ACSL1: variants seen among roughly 807,000 people sequenced by gnomAD.
ACSL1 encodes long-chain-fatty-acid--CoA ligase 1.
ACSL1 carries 41 observed loss-of-function variants against 98.4 expected under a neutral mutation model. The observed-to-expected ratio is 0.42, with a 90% CI of 0.32 to 0.54. The LOEUF (loss-of-function observed/expected upper bound fraction) is 0.54, where lower values mean the gene tolerates loss of function less well. Among genes scored for constraint, ACSL1 ranks in the 20% least tolerant of loss-of-function variants. The pLI is 0.13. For synonymous variants in ACSL1, 316 were observed against 322.7 expected (o/e 0.98, Z 0.22); for missense variants, 734 against 883.1 (o/e 0.83, Z 2.14).
At chr4:184,785,939 C>T (rs998525126) in intron 3 of ACSL1, among the ~76,000 whole-genome samples, 1 of 152,202 alleles carries the variant, frequency 6.6e-6, no homozygotes, top group Non-Finnish European at 1.5e-5. Flanking sequence ...GTTCCTCCCA[C>T]ATCCCAAAGC....
intron 2 of ACSL1, among the ~76,000 whole-genome samples, chr4:184,790,765 G>C (rs1768210052): frequency 6.6e-6 from 1 of 152,190 alleles, no homozygotes; most frequent in African/African-American, 2.4e-5. Context: ...AAATATGATT[G>C]TGTAGAATAT....
chr4:184,765,944 C>T lies in ACSL1; in HGVS notation c.1306G>A (p.Ala436Thr), dbSNP rs1481315900. The T allele has an allele frequency of 1.9e-6, 3 of 1,614,002 alleles. No individual in the cohort carries two copies. The highest frequency in any genetic ancestry group is 1.7e-6 in the Non-Finnish European group (2 of 1,179,978). ...GRVRLMVTGAAPVSATVLTFL... is the reference protein window; with the variant it reads ...GRVRLMVTGATPVSATVLTFL... ...GTCAGCACAGTGGCAGACACCGGGG[C>T]GGCTCCTGTCACCATCAGCCGGACT... The change falls in exon 14 of 21, where the codon GCC becomes ACC. Residue 436 changes from alanine (A) to threonine (T), a missense_variant. Ala to Thr is a moderately conservative substitution (Grantham distance 58, BLOSUM62 0). Transcript: ENST00000281455.
chr4:184,815,593 A>G (rs899371131), intron 1 of ACSL1, among the ~76,000 whole-genome samples: 8 of 152,078 alleles, frequency 5.3e-5, no homozygotes, highest in African/African-American at 1.9e-4. Flanking sequence ...AGTGACCTGG[A>G]TAAGAAGGTT....
At chr4:184,759,620 A>G (rs1762593340) in intron 18 of ACSL1, among the ~76,000 whole-genome samples, 1 of 152,208 alleles carries the variant, frequency 6.6e-6, no homozygotes, top group African/African-American at 2.4e-5. Flanking sequence ...AATGCAAATC[A>G]AAACCACAAT....
intron 1 of ACSL1, among the ~76,000 whole-genome samples, chr4:184,818,417 C>CA (rs1472988514): frequency 2.0e-5 from 3 of 152,202 alleles, no homozygotes; most frequent in Non-Finnish European, 4.4e-5. Context: ...CTCCGAAACA[C>CA]AAACTTCACT....
At chr4:184,780,099 C>T (rs765993930) in intron 5 of ACSL1, among the ~76,000 whole-genome samples, 4 of 152,034 alleles carry the variant, frequency 2.6e-5, no homozygotes, top group Non-Finnish European at 5.9e-5. Flanking sequence ...CTGGAACTCC[C>T]GACCTCTGGT....
intron 18 of ACSL1, 125 bp from the exon 19 acceptor site, chr4:184,758,045 A>C: frequency 1.2e-6 from 1 of 867,678 alleles, no homozygotes; most frequent in Non-Finnish European, 1.8e-6. Flanking sequence ...ATCTATTCAG[A>C]ACATACTACC....
rs931952138 is a variant in ACSL1 at position 184,825,521 on chromosome 4, G to A, written c.-33+395C>T. ...GGGCAGGCGGGGGCCGCGGACGAGGGCAACGTCAGCGGCCCAGCTGGGCCA... is the reference window on the plus strand; with the variant it reads ...GGGCAGGCGGGGGCCGCGGACGAGGACAACGTCAGCGGCCCAGCTGGGCCA... On this transcript the variant is annotated intron_variant, in intron 1 of 20. Coordinates refer to ENST00000281455, the MANE Select transcript of ACSL1 (RefSeq NM_001995.5). The surrounding 1 kb of genome is among the most constrained non-coding windows in gnomAD (Gnocchi z 4.7). Among the ~76,000 whole-genome samples the A allele has an allele frequency of 6.6e-6, 1 of 151,826 alleles. No individual in the cohort carries two copies. The highest frequency in any genetic ancestry group is 6.6e-5 in the Admixed American group (1 of 15,252).
In ACSL1 at chr4:184,766,881, C is replaced by T; in HGVS notation, c.1129-125G>A. The T allele has an allele frequency of 9.0e-7, 1 of 1,112,196 alleles. No homozygotes were observed. The highest frequency in any genetic ancestry group is 1.3e-6 in the Non-Finnish European group (1 of 796,102). The allele number at this position is 1,112,196 out of a possible 1,614,324, so 68.9% of individuals were successfully genotyped here. ...AAAATGGCACAGCTGCTCTGACAGC[C>T]TGGCCGGTCCTCTAACGGCCCCACA... On this transcript the variant is annotated intron_variant, in intron 12 of 20. Coordinates refer to ENST00000281455, the MANE Select transcript of ACSL1 (RefSeq NM_001995.5). This position sits in a 1 kb window ranked among gnomAD's most constrained non-coding sequence, Gnocchi z 4.8.
intron 4 of ACSL1, 94 bp from the exon 5 acceptor site, chr4:184,780,527 C>A (rs964234629): frequency 1.2e-6 from 1 of 807,440 alleles, no homozygotes; most frequent in South Asian, 1.5e-5. Flanking sequence ...AGCCAGCAAG[C>A]AATGCTGCAC....
At chr4:184,783,881 C>G (rs777502420) in intron 4 of ACSL1, 46 bp downstream of exon 4, 19 of 1,545,154 alleles carry the variant, frequency 1.2e-5, no homozygotes, top group Admixed American at 1.7e-5. Flanking sequence ...CAGAAGCACC[C>G]CTGCTTGCAA....
At chr4:184,785,655 C>A (rs1767157177) in intron 3 of ACSL1, among the ~76,000 whole-genome samples, 1 of 141,984 alleles carries the variant, frequency 7.0e-6, no homozygotes, top group African/African-American at 2.6e-5. Context: ...AAGCAGCTCC[C>A]TTCAATGAGT....
intron 15 of ACSL1, among the ~76,000 whole-genome samples, chr4:184,764,568 T>C (rs73028564): frequency 0.014 from 2,132 of 152,240 alleles, 52 homozygotes; most frequent in African/African-American, 0.049. Flanking sequence ...ACTCTCAATC[T>C]GGAACACAGG....
In ACSL1 at chr4:184,803,598, C is replaced by T. The variant is rs1456613011; in HGVS notation, c.-32-52G>A. The T allele has an allele frequency of 7.9e-7, 1 of 1,271,076 alleles. No individual in the cohort carries two copies. Among genetic ancestry groups the T allele is most frequent in the Non-Finnish European group, 1.0e-6 (1 of 980,352 alleles). 78.7% of individuals were successfully genotyped at this position (1,271,076 alleles called of 1,614,324 possible). On this transcript the variant is annotated intron_variant, in intron 1 of 20. Transcript: ENST00000281455. This position sits in a 1 kb window ranked among gnomAD's most constrained non-coding sequence, Gnocchi z 4.8. ...CGTTCCAGGGAAGCAGGACCCCTCT[C>T]CAGAACTCCAAAATTCCACCGGCCA...
chr4:184,797,303 C>A (rs73012232), intron 2 of ACSL1, among the ~76,000 whole-genome samples: 1 of 152,202 alleles, frequency 6.6e-6, no homozygotes, highest in South Asian at 2.1e-4. Flanking sequence ...TATGAATCAA[C>A]GAGCTGCTCT....
chr4:184,806,082 A>G (rs1347337589), intron 1 of ACSL1, among the ~76,000 whole-genome samples: 1 of 152,216 alleles, frequency 6.6e-6, no homozygotes, highest in Non-Finnish European at 1.5e-5. Flanking sequence ...ACCTAGTGTG[A>G]GCCAGGCTTT....
rs1773380319 is a variant in ACSL1, at chr4:184,825,319, CA to C, written c.-33+596del. On this transcript the variant is annotated intron_variant, in intron 1 of 20. Transcript: ENST00000281455. The surrounding 1 kb of genome is among the most constrained non-coding windows in gnomAD (Gnocchi z 4.7). ...CTCCTTAGATCAATGACTCCACGGC[CA>C]AGTGCAAGGGCCACGGGCACTCCTC... The C allele has an allele frequency of 1.1e-6, 1 of 900,834 alleles. No homozygotes were observed. Among genetic ancestry groups the C allele is most frequent in the Non-Finnish European group, 1.3e-6 (1 of 752,678 alleles). The allele number at this position is 900,834 out of a possible 1,614,324, so 55.8% of individuals were successfully genotyped here.
rs758843251 is a variant in ACSL1, at chr4:184,755,960, G to C, written c.*1165C>G. Reference sequence around the variant, plus strand: ...CCAAATTAACTTTAAAAAATCCCTGGAGAAGTGAATCCCAGGAAATGAACT... The same window carrying C: ...CCAAATTAACTTTAAAAAATCCCTGCAGAAGTGAATCCCAGGAAATGAACT... On this transcript the variant is annotated 3_prime_UTR_variant, in exon 21 of 21. Coordinates refer to ENST00000281455, the MANE Select transcript of ACSL1 (RefSeq NM_001995.5). 6.6e-6 allele frequency: 1 copy of C among 152,424 alleles called. No homozygotes were observed. The highest frequency in any genetic ancestry group is 1.5e-5 in the Non-Finnish European group (1 of 68,020). 9.4% of individuals were successfully genotyped at this position (152,424 alleles called of 1,614,324 possible).
intron 1 of ACSL1, among the ~76,000 whole-genome samples, chr4:184,824,923 G>A (rs1366634562): frequency 6.6e-6 from 1 of 152,210 alleles, no homozygotes; most frequent in Non-Finnish European, 1.5e-5. Flanking sequence ...CACAGGTTAA[G>A]TTGTGAAATG....
Sources: gnomAD v4.1 joint callset for allele counts (sites outside exome capture counted in the v4.1 genomes callset) on GRCh38, gnomAD v4.1.1 for gene constraint, Gnocchi (gnomAD v3.1) non-coding constraint, MANE v1.5 for transcripts, NCBI Gene and HGNC (gene_info 2026-07-23, HGNC 2026-07-21) for gene names.